The following SSH2 variants were observed in gnomAD, a reference collection of about 807,000 sequenced individuals.
SSH2 encodes the protein protein phosphatase Slingshot homolog 2.
SSH2 carries 37 observed loss-of-function variants against 135.2 expected under a neutral mutation model. The observed-to-expected ratio is 0.27, with a 90% CI of 0.21 to 0.36. The LOEUF is 0.36. Among genes scored for constraint, SSH2 ranks in the 10% least tolerant of loss-of-function variants. SSH2 has a pLI of 1.00. For missense variants in SSH2, 1,408 were observed against 1,765.3 expected (o/e 0.80, Z 3.63); for synonymous variants, 628 against 646.2 (o/e 0.97, Z 0.43).
At chr17:29,899,735 C>T (rs1395051188) in intron 1 of SSH2, among the ~76,000 whole-genome samples, 1 of 152,138 alleles carries the variant, frequency 6.6e-6, no homozygotes, top group African/African-American at 2.4e-5. Flanking sequence ...CAATGCCATC[C>T]TGATCAAGCT....
chr17:29,658,638 C>G (rs2036889965), intron 11 of SSH2, among the ~76,000 whole-genome samples: 1 of 152,046 alleles, frequency 6.6e-6, no homozygotes, highest in Non-Finnish European at 1.5e-5. Flanking sequence ...GAGGCCGAGG[C>G]AGACGGATCA....
chr17:29,929,840 G>C (rs1213085090), intron 1 of SSH2, 98 bp downstream of exon 1: 1 of 1,185,326 alleles, frequency 8.4e-7, no homozygotes, highest in Non-Finnish European at 1.2e-6. Flanking sequence ...CCTGGGAAGC[G>C]GCGCGGCGCG....
At chr17:29,736,033 G>T (rs911297152) in intron 3 of SSH2, among the ~76,000 whole-genome samples, 2 of 151,886 alleles carry the variant, frequency 1.3e-5, no homozygotes, top group African/African-American at 4.8e-5. Flanking sequence ...GGAGGCGGAG[G>T]TTGCAGTGAG....
intron 2 of SSH2, 66 bp downstream of exon 2, chr17:29,848,783 C>T: frequency 9.3e-7 from 1 of 1,074,600 alleles, no homozygotes; most frequent in East Asian, 2.6e-5. Context: ...CATTTAATAG[C>T]CAAATTTACC....
intron 1 of SSH2, among the ~76,000 whole-genome samples, chr17:29,913,902 G>C (rs148766565): frequency 6.6e-6 from 1 of 151,968 alleles, no homozygotes; most frequent in African/African-American, 2.4e-5. Context: ...CCAAAGTGCT[G>C]GAATTACAGG....
intron 4 of SSH2, among the ~76,000 whole-genome samples, chr17:29,699,575 C>G (rs1486375317): frequency 6.6e-6 from 1 of 152,136 alleles, no homozygotes; most frequent in Non-Finnish European, 1.5e-5. Flanking sequence ...TGAACAATGT[C>G]AAGTAGAAAC....
At chr17:29,670,602 C>T (rs1048615557) in intron 9 of SSH2, among the ~76,000 whole-genome samples, 5 of 151,832 alleles carry the variant, frequency 3.3e-5, no homozygotes, top group South Asian at 2.1e-4. Flanking sequence ...GGTGAAACCC[C>T]GTCACTACTA....
chr17:29,693,933 G>C (rs1412654191), intron 5 of SSH2, among the ~76,000 whole-genome samples: 1 of 152,120 alleles, frequency 6.6e-6, no homozygotes, highest in Non-Finnish European at 1.5e-5. Flanking sequence ...TCAAAAACCT[G>C]TAATGTTTCA....
intron 6 of SSH2, among the ~76,000 whole-genome samples, chr17:29,682,201 G>A (rs546381241): frequency 6.6e-6 from 1 of 152,264 alleles, no homozygotes; most frequent in South Asian, 2.1e-4. Flanking sequence ...TCTGGGTCAG[G>A]AGAATCTGCA....
chr17:29,685,376 G>A (rs1386952752), intron 5 of SSH2, among the ~76,000 whole-genome samples: 4 of 152,146 alleles, frequency 2.6e-5, no homozygotes, highest in Non-Finnish European at 5.9e-5. Context: ...TTTTTCTTAA[G>A]TACCTGGAGT....
In SSH2 at chr17:29,658,867, CAAAAAAA is replaced by C. The variant is rs541052752; in HGVS notation, c.1033-3267_1033-3261del. On this transcript the variant is annotated intron_variant, in intron 11 of 15. Transcript: ENST00000540801. The stretch of plus-strand genomic sequence containing the variant: ...GGGCAACAGAAGCGAAACTCCGTCT[CAAAAAAA>C]AAAAAAAAAAAAAAAAAAGTAAACT... Among the ~76,000 whole-genome samples the C allele has an allele frequency of 4.4e-3, 147 of 33,416 alleles. 1 individual carries two copies. The highest frequency in any genetic ancestry group is 0.015 in the Middle Eastern group (1 of 66). 21.9% of individuals were successfully genotyped at this position (33,416 alleles called of 152,430 possible).
At chr17:29,784,283 G>A (rs577083591) in intron 3 of SSH2, among the ~76,000 whole-genome samples, 8 of 151,892 alleles carry the variant, frequency 5.3e-5, no homozygotes, top group African/African-American at 1.9e-4. Context: ...TACTCAGGAG[G>A]CTGAGGCAGG....
chr17:29,743,840 C>T (rs1303851932), intron 3 of SSH2, among the ~76,000 whole-genome samples: 1 of 150,846 alleles, frequency 6.6e-6, no homozygotes, highest in Non-Finnish European at 1.5e-5. Context: ...TTTCTCTTAC[C>T]TAGTTTCAGT....
intron 3 of SSH2, among the ~76,000 whole-genome samples, chr17:29,750,859 C>CAA (rs77910570): frequency 9.6e-4 from 80 of 83,568 alleles, no homozygotes; most frequent in African/African-American, 2.8e-3. Context: ...ACCAAAAATA[C>CAA]AAAAAAAAAA....
intron 4 of SSH2, among the ~76,000 whole-genome samples, chr17:29,696,316 A>C (rs2038740218): frequency 6.7e-6 from 1 of 149,536 alleles, no homozygotes; most frequent in Admixed American, 6.7e-5. Context: ...ATGTATATAA[A>C]TATACATACA....
At chr17:29,907,692 CCAAACTGGCTATTCTTCATCAAT>C (rs1490140900) in intron 1 of SSH2, among the ~76,000 whole-genome samples, 1 of 152,206 alleles carries the variant, frequency 6.6e-6, no homozygotes, top group Admixed American at 6.5e-5. Context: ...CAGTCCAGAG[CCAAACTGGCTATTCTTCATCAAT>C]ATCTGGCCTT....
At chr17:29,663,561 T>G (rs2037140859) in intron 11 of SSH2, among the ~76,000 whole-genome samples, 1 of 150,856 alleles carries the variant, frequency 6.6e-6, no homozygotes, top group Admixed American at 6.6e-5. Context: ...AATTTTGAAG[T>G]TTTTTTTCCC....
At chr17:29,890,727 ATATAC>A in intron 1 of SSH2, among the ~76,000 whole-genome samples, 1 of 152,260 alleles carries the variant, frequency 6.6e-6, no homozygotes, top group Non-Finnish European at 1.5e-5. Flanking sequence ...ATATCTGTGA[ATATAC>A]CAAAACCAAT....
intron 5 of SSH2, among the ~76,000 whole-genome samples, chr17:29,695,178 G>C (rs1485094867): frequency 6.6e-6 from 1 of 152,044 alleles, no homozygotes; most frequent in Non-Finnish European, 1.5e-5. Flanking sequence ...TCAACAGTCA[G>C]CTCAAGCTCC....
Sources: gnomAD v4.1 joint callset for allele counts (sites outside exome capture counted in the v4.1 genomes callset) on GRCh38, gnomAD v4.1.1 for gene constraint, MANE v1.5 for transcripts, NCBI Gene and HGNC (gene_info 2026-07-23, HGNC 2026-07-21) for gene names.